Variants in NR3C2 observed in about 807,000 individuals in gnomAD.
NR3C2 encodes the protein mineralocorticoid receptor.
In NR3C2, 15 loss-of-function variants were observed where a neutral mutation model predicts 86.4. The ratio of observed to expected loss-of-function variants is 0.17; its 90% confidence interval spans 0.12 to 0.27. The LOEUF (loss-of-function observed/expected upper bound fraction) is 0.27, where lower values mean the gene tolerates loss of function less well. NR3C2 is among the 10% of genes least tolerant of loss of function. NR3C2 has a pLI of 1.00. For missense variants in NR3C2, 960 were observed against 1,195.6 expected (o/e 0.80, Z 2.91); for synonymous variants, 458 against 450.5 (o/e 1.02, Z -0.21).
At chr4:148,434,555 A>G (rs2126648359) in intron 2 of NR3C2, among the ~76,000 whole-genome samples, 1 of 152,316 alleles carries the variant, frequency 6.6e-6, no homozygotes, top group East Asian at 1.9e-4. Flanking sequence ...ATTTATTTGT[A>G]TTGAAAAACC....
intron 2 of NR3C2, among the ~76,000 whole-genome samples, chr4:148,347,492 A>G (rs1467086367): frequency 3.3e-5 from 5 of 152,074 alleles, no homozygotes; most frequent in African/African-American, 1.2e-4. Flanking sequence ...AATCCCTACA[A>G]TTCTTCAAAT....
intron 4 of NR3C2, among the ~76,000 whole-genome samples, chr4:148,170,839 C>T (rs1416553738): frequency 3.3e-5 from 5 of 152,186 alleles, no homozygotes; most frequent in African/African-American, 1.2e-4. Flanking sequence ...AGCACAAGTA[C>T]ACAGTCCACT....
chr4:148,356,440 C>G (rs1217178098), intron 2 of NR3C2, among the ~76,000 whole-genome samples: 1 of 152,072 alleles, frequency 6.6e-6, no homozygotes, highest in Non-Finnish European at 1.5e-5. Flanking sequence ...AAATAGACAT[C>G]TGGGGGAGAA....
At chr4:148,416,949 G>A (rs1749036319) in intron 2 of NR3C2, among the ~76,000 whole-genome samples, 1 of 151,000 alleles carries the variant, frequency 6.6e-6, no homozygotes, top group Admixed American at 6.6e-5. Flanking sequence ...CTAATTTTTT[G>A]TATTTTTAGT....
At chr4:148,174,338 A>G (rs996622584) in intron 4 of NR3C2, among the ~76,000 whole-genome samples, 1 of 152,222 alleles carries the variant, frequency 6.6e-6, no homozygotes, top group African/African-American at 2.4e-5. Context: ...AACACCTGGA[A>G]AACCAACAAT....
intron 2 of NR3C2, among the ~76,000 whole-genome samples, chr4:148,375,351 G>A (rs1053463060): frequency 6.6e-6 from 1 of 152,008 alleles, no homozygotes; most frequent in East Asian, 1.9e-4. Context: ...AGCTACTCGG[G>A]AGGCTGAGAC....
chr4:148,083,412 GACC>G (rs1442761415), intron 8 of NR3C2, among the ~76,000 whole-genome samples: 1 of 152,180 alleles, frequency 6.6e-6, no homozygotes, highest in Non-Finnish European at 1.5e-5. Flanking sequence ...GTCTGGAGTG[GACC>G]TCCAGCAAAC....
Position 148,417,942 on chromosome 4 carries a change from T to C in NR3C2, c.1757+17162A>G, listed in dbSNP as rs72658647. Reference sequence around the variant, plus strand: ...AGGGAGAGATTTCTGACATTTTTACTGGATTCTCAGGCTTTCCTCTAAAGC... The same window carrying C: ...AGGGAGAGATTTCTGACATTTTTACCGGATTCTCAGGCTTTCCTCTAAAGC... On this transcript the variant is annotated intron_variant, in intron 2 of 8. Transcript: ENST00000358102. Among the ~76,000 whole-genome samples, 326 of 152,324 alleles carry C rather than the reference T, an allele frequency of 2.1e-3. 3 individuals are homozygous for C. Among genetic ancestry groups the C allele is most frequent in the African/African-American group, 7.4e-3 (308 of 41,572 alleles).
chr4:148,132,549 C>T (rs1333248594), intron 6 of NR3C2, among the ~76,000 whole-genome samples: 1 of 152,200 alleles, frequency 6.6e-6, no homozygotes, highest in Non-Finnish European at 1.5e-5. Context: ...AGAGGCCATT[C>T]TGATAGTACC....
At chr4:148,430,713 G>T (rs994485064) in intron 2 of NR3C2, among the ~76,000 whole-genome samples, 2 of 151,934 alleles carry the variant, frequency 1.3e-5, no homozygotes, top group African/African-American at 4.8e-5. Flanking sequence ...CATTCTTTCA[G>T]ACATTGCATT....
chr4:148,203,627 TG>T (rs1188434107), intron 3 of NR3C2, among the ~76,000 whole-genome samples: 1 of 151,992 alleles, frequency 6.6e-6, no homozygotes, highest in Non-Finnish European at 1.5e-5. Context: ...CAGATTCTGA[TG>T]GGCGATTTCC....
At chr4:148,143,198 A>G (rs77229645) in intron 6 of NR3C2, among the ~76,000 whole-genome samples, 2 of 152,360 alleles carry the variant, frequency 1.3e-5, no homozygotes, top group African/African-American at 4.8e-5. Context: ...CTTCCTGCAC[A>G]GAGAACAGAC....
At chr4:148,390,889 C>T (rs1747513756) in intron 2 of NR3C2, among the ~76,000 whole-genome samples, 1 of 152,068 alleles carries the variant, frequency 6.6e-6, no homozygotes, top group Admixed American at 6.6e-5. Flanking sequence ...ATCTGGTACA[C>T]CACAGTAATT....
chr4:148,113,952 C>G, intron 8 of NR3C2, 152 bp downstream of exon 8: 1 of 931,276 alleles, frequency 1.1e-6, no homozygotes, highest in Non-Finnish European at 1.7e-6. Context: ...TGGGTCTCTT[C>G]TTCAGCCCCT....
intron 2 of NR3C2, among the ~76,000 whole-genome samples, chr4:148,298,640 C>T (rs1742177577): frequency 6.6e-6 from 1 of 152,162 alleles, no homozygotes; most frequent in African/African-American, 2.4e-5. Context: ...TGAGTAATCA[C>T]AAAAGAGTGC....
chr4:148,145,455 A>T (rs1037707501), intron 6 of NR3C2, among the ~76,000 whole-genome samples: 11 of 152,132 alleles, frequency 7.2e-5, no homozygotes, highest in African/African-American at 2.7e-4. Flanking sequence ...AGAGAGAGTA[A>T]CCCCTCTTCC....
intron 2 of NR3C2, among the ~76,000 whole-genome samples, chr4:148,278,615 T>C (rs1425863033): frequency 6.6e-6 from 1 of 152,052 alleles, no homozygotes; most frequent in East Asian, 1.9e-4. Context: ...TTTTAAGTTT[T>C]GGATAATGCC....
intron 2 of NR3C2, among the ~76,000 whole-genome samples, chr4:148,340,587 T>C (rs372152500): frequency 3.1e-4 from 47 of 152,224 alleles, no homozygotes; most frequent in African/African-American, 1.1e-3. Context: ...AAAGATTTGT[T>C]GGGTAAGACC....
intron 2 of NR3C2, among the ~76,000 whole-genome samples, chr4:148,319,041 A>C (rs1348220703): frequency 6.6e-6 from 1 of 151,816 alleles, no homozygotes; most frequent in Non-Finnish European, 1.5e-5. Context: ...TCAATCTTGA[A>C]TTGATTTTTG....
Sources: gnomAD v4.1 joint callset for allele counts (sites outside exome capture counted in the v4.1 genomes callset) on GRCh38, gnomAD v4.1.1 for gene constraint, MANE v1.5 for transcripts, NCBI Gene and HGNC (gene_info 2026-07-23, HGNC 2026-07-21) for gene names.